Variants in GNB3 observed in about 807,000 individuals in gnomAD.
GNB3 encodes the protein G protein subunit beta 3.
GNB3 carries 33 observed loss-of-function variants against 41.2 expected under a neutral mutation model. That is an observed-to-expected ratio of 0.80 (90% CI 0.61 to 1.07). The LOEUF (loss-of-function observed/expected upper bound fraction) is 1.07, where lower values mean the gene tolerates loss of function less well. Among genes scored for constraint, GNB3 ranks in the 50% least tolerant of loss-of-function variants. The pLI, the probability that GNB3 is intolerant of heterozygous loss-of-function variation, is 0.00. For synonymous variants in GNB3, 172 were observed against 173.4 expected, an observed-to-expected ratio of 0.99 and a Z score of 0.06; for missense variants, 409 against 455.3, an observed-to-expected ratio of 0.90 and a Z score of 0.92.
rs782167184 is a variant in GNB3 at position 6,845,652 on chromosome 12, C to T, written c.766C>T (p.Arg256Trp). ...DDASCRLFDL[R>W]ADQELICFSH... is the part of the protein sequence containing the mutation. ...CGCTTCCTGCCGCTTGTTTGACCTG[C>T]GGGCAGACCAGGAGCTGATCTGCTT... is the stretch of plus-strand genomic sequence containing the variant. Residue 256 changes from arginine (R) to tryptophan (W), a missense_variant, in exon 9 of 10, where the codon CGG (arginine) becomes TGG (tryptophan). Physicochemically the swap from Arg to Trp is moderately radical, Grantham distance 101. Transcript: ENST00000229264. The T allele has an allele frequency of 2.3e-5, 37 of 1,613,824 alleles. No homozygotes were observed. Among genetic ancestry groups the T allele is most frequent in the Admixed American group, 3.3e-5 (2 of 60,012 alleles).
rs782705171 is a variant in GNB3 at position 6,845,590 on chromosome 12, T to G, written c.704T>G (p.Phe235Cys). ...HESDINAICF[F>C]PNGEAICTGS... Reference sequence around the variant, plus strand: ...ACTTGCCACCCGTGCCCTCAGTTCTTCCCCAATGGAGAGGCCATCTGCACG... The same window carrying G: ...ACTTGCCACCCGTGCCCTCAGTTCTGCCCCAATGGAGAGGCCATCTGCACG... The change falls in exon 9 of 10, where the codon TTC (phenylalanine) becomes TGC (cysteine). Residue 235 changes from phenylalanine (F) to cysteine (C), a missense_variant. Physicochemically the swap from Phe to Cys is radical, Grantham distance 205. Transcript: ENST00000229264. The G allele has an allele frequency of 6.2e-7, 1 of 1,608,458 alleles. No individual in the cohort carries two copies. The highest frequency in any genetic ancestry group is 8.5e-7 in the Non-Finnish European group (1 of 1,177,908).
In GNB3 at chr12:6,847,094, T is replaced by C; in HGVS notation, c.*196T>C. 1 of 564,168 alleles carries C rather than the reference T, an allele frequency of 1.8e-6. No individual in the cohort carries two copies. The highest frequency in any genetic ancestry group is 3.0e-5 in the Admixed American group (1 of 33,184). 34.9% of individuals were successfully genotyped at this position (564,168 alleles called of 1,614,324 possible). A position where few individuals can be genotyped will look rare whatever the true frequency, so the allele number is the denominator to read the frequency against. ...GACACAGGGGCAAAGAACTGCCCCATCTCCTCCCATGGCCTTCCCTCCCCA... is the reference window on the plus strand; with the variant it reads ...GACACAGGGGCAAAGAACTGCCCCACCTCCTCCCATGGCCTTCCCTCCCCA... On this transcript the variant is annotated 3_prime_UTR_variant, in exon 10 of 10. Coordinates refer to ENST00000229264, the MANE Select transcript of GNB3 (RefSeq NM_002075.4).
intron 2 of GNB3, 119 bp from the exon 3 acceptor site, chr12:6,841,467 T>C: frequency 8.4e-7 from 1 of 1,190,940 alleles, no homozygotes; most frequent in Non-Finnish European, 1.2e-6. Flanking sequence ...CTTTCTAAAC[T>C]TGGTTCGCAT....
At chr12:6,846,621 G>GCA (rs782811517) in intron 9 of GNB3, 171 bp from the exon 10 acceptor site, 61 of 553,878 alleles carry the variant, frequency 1.1e-4, no homozygotes, top group Middle Eastern at 4.1e-4. Context: ...AAGCACACAT[G>GCA]CACACACACA....
In GNB3 at chr12:6,841,338, G is replaced by A; in HGVS notation, c.51G>A (p.Gln17=). The A allele has an allele frequency of 6.2e-7, 1 of 1,613,336 alleles. No homozygotes were observed. Among genetic ancestry groups the A allele is most frequent in the Non-Finnish European group, 8.5e-7 (1 of 1,179,606 alleles). ...AGGAAGCGGAGCAGCTCAAGAAGCA[G>A]ATTGCAGTAACTCCAGAGCCCTACC... is the stretch of plus-strand genomic sequence containing the variant. The part of the protein sequence containing the change: ...LRQEAEQLKK[Q]IADARKACAD... Residue 17 remains glutamine, a synonymous_variant, in exon 2 of 10, where the codon CAG becomes CAA. Transcript: ENST00000229264.
In GNB3 at chr12:6,843,133, G is replaced by A; in HGVS notation, c.204-41G>A. ...GGTGAGAGCGGGAGTGAGGAAGGCG[G>A]GAAGGGGAGGCTTGCATGATATGGG... On this transcript the variant is annotated intron_variant, in intron 4 of 9. Coordinates refer to ENST00000229264, the MANE Select transcript of GNB3 (RefSeq NM_002075.4). The surrounding 1 kb of genome is among the most constrained non-coding windows in gnomAD (Gnocchi z 5.9). 1 of 1,607,260 alleles carries A rather than the reference G, an allele frequency of 6.2e-7. No individual in the cohort carries two copies. The highest frequency in any genetic ancestry group is 8.5e-7 in the Non-Finnish European group (1 of 1,173,816).
chr12:6,841,939 G>T, intron 3 of GNB3: 1 of 508,508 alleles, frequency 2.0e-6, no homozygotes, highest in African/African-American at 1.9e-5. Flanking sequence ...CTAGCTGCTA[G>T]TTTTCTATGC....
In GNB3 at chr12:6,841,599, C is replaced by A; in HGVS notation, c.71C>A (p.Ala24Asp). 1 of 1,613,628 alleles carries A rather than the reference C, an allele frequency of 6.2e-7. No homozygotes were observed. Among genetic ancestry groups the A allele is most frequent in the South Asian group, 1.1e-5 (1 of 90,994 alleles). The change falls in exon 3 of 10, where the codon GCC becomes GAC. Residue 24 changes from alanine (A) to aspartate (D), a missense_variant. Transcript: ENST00000229264. ...LKKQIADARK[A>D]CADVTLAELV... is the part of the protein sequence containing the mutation. ...CTTTCCCTGCAGGATGCCAGGAAAG[C>A]CTGTGCTGACGTTACTCTGGCAGAG...
chr12:6,845,231 CCT>C (rs1409842056), intron 8 of GNB3: 2 of 254,410 alleles, frequency 7.9e-6, no homozygotes, highest in Non-Finnish European at 1.5e-5. Context: ...TGTACTGGAC[CCT>C]GTTCTTACAC....
At position 6,841,577 on chromosome 12, in the gene GNB3, T is replaced by C. The variant is rs13306408; in HGVS notation, c.58-9T>C. ...GCCCTTGCTCCCCTGATGTCTGCTT[T>C]CCCTGCAGGATGCCAGGAAAGCCTG... On this transcript the variant is annotated splice_polypyrimidine_tract_variant and intron_variant, in intron 2 of 9. Transcript: ENST00000229264. 7.0e-5 allele frequency: 113 copies of C among 1,613,154 alleles called. No individual in the cohort carries two copies. The East Asian group carries it at 2.5e-3, about 35-fold the overall frequency.
chr12:6,845,952 C>T (rs1300987010), intron 9 of GNB3, 150 bp downstream of exon 9: 8 of 634,334 alleles, frequency 1.3e-5, no homozygotes, highest in East Asian at 5.4e-5. Flanking sequence ...AATCCAGTAC[C>T]CCTTGGTTCC....
In GNB3 at chr12:6,845,803, G is replaced by A. The variant is rs782189035; in HGVS notation, c.916+1G>A. The A allele has an allele frequency of 2.5e-6, 4 of 1,607,876 alleles. No individual in the cohort carries two copies. The highest frequency in any genetic ancestry group is 1.7e-5 in the Admixed American group (1 of 60,012). ...GACTCCATGAAGTCTGAGCGTGTGGGTAAGGGCCAGCCCTGGCTGCTGCTT... is the reference window on the plus strand; with the variant it reads ...GACTCCATGAAGTCTGAGCGTGTGGATAAGGGCCAGCCCTGGCTGCTGCTT... On this transcript the variant is annotated splice_donor_variant, in intron 9 of 9. Transcript: ENST00000229264. LOFTEE classifies it high-confidence loss of function.
rs782139192 is a variant in GNB3, at chr12:6,845,753, C to T, written c.867C>T (p.Tyr289=). 14 of 1,613,964 alleles carry T rather than the reference C, an allele frequency of 8.7e-6. 1 individual carries two copies. Among genetic ancestry groups the T allele is most frequent in the Admixed American group, 8.3e-5 (5 of 60,008 alleles). Residue 289 remains tyrosine, a synonymous_variant, in exon 9 of 10, where the codon TAC becomes TAT. Transcript: ENST00000229264. ...SLSGRLLFAG[Y]DDFNCNVWDS... is the part of the protein sequence containing the mutation. ...GTGGCCGCCTACTATTCGCTGGCTA[C>T]GACGACTTCAACTGCAATGTCTGGG...
chr12:6,844,092 T>TCTC (rs1555124071), intron 8 of GNB3, 114 bp downstream of exon 8: 1 of 334,278 alleles, frequency 3.0e-6, no homozygotes, highest in Non-Finnish European at 4.6e-6. Flanking sequence ...TTTCTTACTG[T>TCTC]ATTTTTTTTT....
intron 3 of GNB3, 138 bp downstream of exon 3, chr12:6,841,762 C>A: frequency 1.4e-6 from 1 of 734,926 alleles, no homozygotes; most frequent in Non-Finnish European, 2.5e-6. Context: ...TTCATTCGAC[C>A]AACATTTTAG....
At position 6,846,652 on chromosome 12, in the gene GNB3, C is replaced by A. The variant is rs1375138754; in HGVS notation, c.917-140C>A. 4.9e-6 allele frequency: 3 copies of A among 618,290 alleles called. No individual in the cohort carries two copies. The Admixed American group carries it at 7.2e-5, about 15-fold the overall frequency. 38.3% of individuals were successfully genotyped at this position (618,290 alleles called of 1,614,324 possible). A position where few individuals can be genotyped will look rare whatever the true frequency, so the allele number is the denominator to read the frequency against. Reference sequence around the variant, plus strand: ...ACACACGTACACACACCCACACATGCATACACATGCACACATATCCCCCCA... The same window carrying A: ...ACACACGTACACACACCCACACATGAATACACATGCACACATATCCCCCCA... On this transcript the variant is annotated intron_variant, in intron 9 of 9. Transcript: ENST00000229264.
In GNB3 at chr12:6,841,363, C is replaced by T. The variant is rs1555123332; in HGVS notation, c.57+19C>T. ...GATTGCAGTAACTCCAGAGCCCTAC[C>T]CCTGGGGCCCCAGAAAACAGCTGGG... is the stretch of plus-strand genomic sequence containing the variant. On this transcript the variant is annotated intron_variant, in intron 2 of 9. Transcript: ENST00000229264. 1 of 1,608,840 alleles carries T rather than the reference C, an allele frequency of 6.2e-7. No individual in the cohort carries two copies. The highest frequency in any genetic ancestry group is 1.7e-5 in the Admixed American group (1 of 59,570).
chr12:6,842,338 C>T (rs1027686720), intron 3 of GNB3, among the ~76,000 whole-genome samples: 3 of 152,108 alleles, frequency 2.0e-5, no homozygotes, highest in African/African-American at 7.2e-5. Flanking sequence ...CACTTGAGCT[C>T]AGGAGTTTGA....
chr12:6,844,722 A>G (rs1351896243), intron 8 of GNB3: 1 of 152,194 alleles, frequency 6.6e-6, no homozygotes, highest in Non-Finnish European at 1.5e-5. Context: ...CGCCTAGCCC[A>G]TTTTATCACG....
Sources: gnomAD v4.1 joint callset for allele counts (sites outside exome capture counted in the v4.1 genomes callset) on GRCh38, gnomAD v4.1.1 for gene constraint, Gnocchi (gnomAD v3.1) non-coding constraint, MANE v1.5 for transcripts, NCBI Gene and HGNC (gene_info 2026-07-23, HGNC 2026-07-21) for gene names.